The following BOD1L1 variants were observed in gnomAD, a reference collection of about 807,000 sequenced individuals.
BOD1L1 encodes the protein biorientation of chromosomes in cell division 1 like 1.
A neutral mutation model predicts 240.7 loss-of-function variants in BOD1L1; 86 were observed. That is an observed-to-expected ratio of 0.36 (90% CI 0.30 to 0.43). BOD1L1 has a LOEUF of 0.43. Among genes scored for constraint, BOD1L1 ranks in the 20% least tolerant of loss-of-function variants. The pLI is 1.00. For missense variants in BOD1L1, 3,554 were observed against 3,643.5 expected (o/e 0.98, Z 0.63); for synonymous variants, 1,268 against 1,272.3 (o/e 1.00, Z 0.07).
intron 1 of BOD1L1, among the ~76,000 whole-genome samples, chr4:13,622,601 AC>A (rs1248344418): frequency 6.6e-6 from 1 of 152,186 alleles, no homozygotes; most frequent in African/African-American, 2.4e-5. Flanking sequence ...ATGAAAATAC[AC>A]CCAGAATCTG....
At chr4:13,585,142 G>A (rs1184626060) in intron 17 of BOD1L1, among the ~76,000 whole-genome samples, 1 of 152,150 alleles carries the variant, frequency 6.6e-6, no homozygotes, top group Non-Finnish European at 1.5e-5. Flanking sequence ...CAGGGTGAGG[G>A]ATAGTTTAAG....
chr4:13,585,929 T>A (rs893755063), intron 17 of BOD1L1, among the ~76,000 whole-genome samples: 2 of 152,146 alleles, frequency 1.3e-5, no homozygotes, highest in Non-Finnish European at 2.9e-5. Flanking sequence ...GAACCGTGAG[T>A]CAATTAAACC....
At chr4:13,581,751 A>G (rs1445420553) in intron 19 of BOD1L1, among the ~76,000 whole-genome samples, 1 of 152,208 alleles carries the variant, frequency 6.6e-6, no homozygotes, top group Non-Finnish European at 1.5e-5. Flanking sequence ...TACAGCAGGC[A>G]GGGCTGGGAT....
rs762822638 is a variant in BOD1L1, at chr4:13,614,597, T to C, written c.773A>G (p.Asp258Gly). The C allele has an allele frequency of 6.2e-7, 1 of 1,613,992 alleles. No homozygotes were observed. ...DKERTSEDMA[D>G]KEKSTADSGG... ...AGAGTCAGCTGTAGATTTTTCTTTA[T>C]CAGCCATGTCCTCTGAAGTTCTTTC... is the stretch of plus-strand genomic sequence containing the variant. The change falls in exon 4 of 26, where the codon GAT (aspartate) becomes GGT (glycine). Residue 258 changes from aspartate (D) to glycine (G), a missense_variant. Physicochemically the swap from Asp to Gly is moderately conservative, Grantham distance 94. This residue lies in a region of BOD1L1 where 3,393 missense variants were observed against 3,427.1 expected (regional missense o/e 0.99). Coordinates refer to ENST00000040738, the MANE Select transcript of BOD1L1 (RefSeq NM_148894.3).
Position 13,570,037 on chromosome 4 carries a change from C to G in BOD1L1, c.9130G>C (p.Ala3044Pro). The G allele has an allele frequency of 6.2e-7, 1 of 1,604,242 alleles. No homozygotes were observed. The highest frequency in any genetic ancestry group is 8.5e-7 in the Non-Finnish European group (1 of 1,176,128). ...TATCGCTTCGCTTTTTTCACAGGGG[C>G]TTCCTCCACCCTTTGCTGGCCTCTT... ...RTRGQQRVEEAPVKKAKR is the reference protein window; with the variant it reads ...RTRGQQRVEEPPVKKAKR The change falls in exon 26 of 26, where the codon GCC (alanine) becomes CCC (proline). Residue 3044 changes from alanine (A) to proline (P), a missense_variant. Coordinates refer to ENST00000040738, the MANE Select transcript of BOD1L1 (RefSeq NM_148894.3).
rs746524824 is a variant in BOD1L1, at chr4:13,576,936, G to A, written c.8940C>T (p.Asp2980=). Residue 2980 remains aspartate (D), a synonymous_variant, in exon 25 of 26, where the codon GAC becomes GAT. Transcript: ENST00000040738. Reference sequence around the variant, plus strand: ...CCTCATCAGACTCCTGCTCTTTCTTGTCCTCCACTGGATCAGAAACTGATT... The same window carrying A: ...CCTCATCAGACTCCTGCTCTTTCTTATCCTCCACTGGATCAGAAACTGATT... The part of the protein sequence containing the change: ...RQKSVSDPVE[D]KKEQESDEEE... 27 of 1,613,694 alleles carry A rather than the reference G, an allele frequency of 1.7e-5. No individual in the cohort carries two copies. The highest frequency in any genetic ancestry group is 2.1e-5 in the Non-Finnish European group (25 of 1,179,822).
chr4:13,612,420 G>T (rs546546648), intron 5 of BOD1L1, among the ~76,000 whole-genome samples: 30 of 152,232 alleles, frequency 2.0e-4, no homozygotes, highest in African/African-American at 7.2e-4. Context: ...GCACAGACTC[G>T]GGTTTGAAAT....
intron 13 of BOD1L1, among the ~76,000 whole-genome samples, chr4:13,591,149 C>T (rs1279141542): frequency 6.6e-6 from 1 of 152,102 alleles, no homozygotes; most frequent in Non-Finnish European, 1.5e-5. Context: ...AAATGATCCT[C>T]CCACCTCAAC....
At chr4:13,591,151 C>T (rs558255715) in intron 13 of BOD1L1, among the ~76,000 whole-genome samples, 44 of 152,128 alleles carry the variant, frequency 2.9e-4, no homozygotes, top group African/African-American at 9.4e-4. Flanking sequence ...ATGATCCTCC[C>T]ACCTCAACTT....
chr4:13,624,184 A>G (rs1717228315), intron 1 of BOD1L1: 1 of 152,120 alleles, frequency 6.6e-6, no homozygotes, highest in African/African-American at 2.4e-5. Flanking sequence ...AACCTGTAAC[A>G]TAACCAGGAG....
chr4:13,575,988 C>T (rs112620659), intron 25 of BOD1L1, among the ~76,000 whole-genome samples: 26 of 149,830 alleles, frequency 1.7e-4, no homozygotes, highest in African/African-American at 4.2e-4. Context: ...CTGCAACCTC[C>T]GCCTCCCACG....
rs1716328041 is a variant in BOD1L1, at chr4:13,613,341, A to T, written c.1324+171T>A. The stretch of plus-strand genomic sequence containing the variant: ...GTTGTTGAGATTTAGTAACTTACCA[A>T]GCTTGCTCAGACAGACAACTTTGGA... On this transcript the variant is annotated intron_variant, in intron 5 of 25. Transcript: ENST00000040738. The surrounding 1 kb of genome is among the most constrained non-coding windows in gnomAD (Gnocchi z 4.0). Among the ~76,000 whole-genome samples the T allele has an allele frequency of 6.6e-6, 1 of 152,226 alleles. No individual in the cohort carries two copies. The highest frequency in any genetic ancestry group is 1.5e-5 in the Non-Finnish European group (1 of 68,038).
chr4:13,607,852 T>C (rs1337639912), intron 8 of BOD1L1, among the ~76,000 whole-genome samples: 6 of 152,168 alleles, frequency 3.9e-5, no homozygotes, highest in Non-Finnish European at 5.9e-5. Context: ...TTCAGATCAA[T>C]AAGGATGAGA....
intron 4 of BOD1L1, 55 bp downstream of exon 4, chr4:13,614,141 A>G (rs1027009225): frequency 3.4e-5 from 48 of 1,393,902 alleles, no homozygotes; most frequent in Non-Finnish European, 4.4e-5. Flanking sequence ...TACTTCCCTG[A>G]TCCCAAAACA....
At chr4:13,586,335 T>C in intron 17 of BOD1L1, 61 bp downstream of exon 17, 2 of 910,402 alleles carry the variant, frequency 2.2e-6, no homozygotes, top group East Asian at 5.0e-5. Flanking sequence ...GTATTTACAA[T>C]GCTGTAATTA....
In BOD1L1 at chr4:13,603,329, T is replaced by C. The variant is rs1302174909; in HGVS notation, c.3571A>G (p.Ser1191Gly). Reference protein sequence around the residue: ...YKPGRGTGVNSNSEKHADHRS... With the variant: ...YKPGRGTGVNGNSEKHADHRS... ...TGATCGGCATGCTTTTCAGAATTAC[T>C]ATTAACTCCTGTTCCACGGCCTGGC... Residue 1191 changes from serine to glycine, a missense_variant, in exon 10 of 26, where the codon AGT becomes GGT. This residue lies in a region of BOD1L1 where 3,393 missense variants were observed against 3,427.1 expected (regional missense o/e 0.99). Transcript: ENST00000040738. 3.1e-6 allele frequency: 5 copies of C among 1,613,924 alleles called. No homozygotes were observed. The highest frequency in any genetic ancestry group is 4.2e-6 in the Non-Finnish European group (5 of 1,179,908).
chr4:13,592,851 C>T (rs1714327574), intron 12 of BOD1L1: 1 of 152,228 alleles, frequency 6.6e-6, no homozygotes, highest in African/African-American at 2.4e-5. Flanking sequence ...TTTATATGCA[C>T]TATTCACTTA....
chr4:13,576,986 A>C lies in BOD1L1; in HGVS notation c.8890T>G (p.Ser2964Ala). 6.2e-7 allele frequency: 1 copy of C among 1,613,672 alleles called. No homozygotes were observed. The highest frequency in any genetic ancestry group is 8.5e-7 in the Non-Finnish European group (1 of 1,179,774). ...TTCTGGCGTTTTCTTTCTGGCTCTG[A>C]GGATTCTGTTCAAATAGAAGGGTAA... ...SLTVSDDAES[S>A]EPERKRQKSV... Residue 2964 changes from serine to alanine, a missense_variant, in exon 25 of 26, where the codon TCA (serine) becomes GCA (alanine). By Grantham distance (99) the Ser-to-Ala change is moderately conservative (BLOSUM62 1). Coordinates refer to ENST00000040738, the MANE Select transcript of BOD1L1 (RefSeq NM_148894.3).
At chr4:13,617,158 T>C (rs1716676090) in intron 2 of BOD1L1, among the ~76,000 whole-genome samples, 1 of 150,650 alleles carries the variant, frequency 6.6e-6, no homozygotes, top group African/African-American at 2.4e-5. Flanking sequence ...GGCAGGAGAA[T>C]TGCTGGAATC....
Sources: allele counts gnomAD v4.1 joint callset (sites outside exome capture counted in the v4.1 genomes callset), GRCh38; gene constraint gnomAD v4.1.1; regional missense constraint gnomAD v4.1.1; non-coding constraint Gnocchi (gnomAD v3.1); transcripts MANE v1.5; gene names NCBI Gene and HGNC (gene_info 2026-07-23, HGNC 2026-07-21).